Variants in EYS observed in about 807,000 individuals in gnomAD.
The protein encoded by EYS is EGF-like photoreceptor maintenance factor, also known as protein eyes shut homolog.
A neutral mutation model predicts 282.1 loss-of-function variants in EYS; 250 were observed. The observed-to-expected ratio is 0.89, with a 90% CI of 0.80 to 0.98. The LOEUF (loss-of-function observed/expected upper bound fraction) is 0.98, where lower values mean the gene tolerates loss of function less well. EYS is among the 50% of genes least tolerant of loss of function. The probability of loss-of-function intolerance (pLI) is 0.00; values close to 1 mark genes in which losing one functional copy is unlikely to be tolerated. For synonymous variants in EYS, 1,355 were observed against 1,282.9 expected, an observed-to-expected ratio of 1.06 and a Z score of -1.20; for missense variants, 4,016 against 3,709.0, an observed-to-expected ratio of 1.08 and a Z score of -2.15.
intron 22 of EYS, among the ~76,000 whole-genome samples, chr6:64,629,367 C>A (rs1222242208): frequency 2.6e-5 from 4 of 151,798 alleles, no homozygotes; most frequent in African/African-American, 9.7e-5. Flanking sequence ...GGAGAAGTGC[C>A]TATATAAATA....
rs369388657 is a variant in EYS at position 63,833,515 on chromosome 6, C to T, written c.7229-27143G>A. Among the ~76,000 whole-genome samples, 7 of 152,198 alleles carry T rather than the reference C, an allele frequency of 4.6e-5. No homozygotes were observed. In the East Asian group the frequency reaches 1.4e-3, roughly 29 times the overall value. On this transcript the variant is annotated intron_variant, in intron 36 of 42. Coordinates refer to ENST00000503581, the MANE Select transcript of EYS (RefSeq NM_001142800.2). ...TCCAACTTACAAGGGATGTGAAGGA[C>T]CTCTTCAAGGAGAACTATAAACCAC... is the stretch of plus-strand genomic sequence containing the variant.
chr6:64,177,567 T>C (rs955345316), intron 31 of EYS, among the ~76,000 whole-genome samples: 17 of 152,240 alleles, frequency 1.1e-4, no homozygotes, highest in African/African-American at 3.8e-4. Flanking sequence ...TTAATTTAGT[T>C]TGGTGATTGC....
intron 12 of EYS, among the ~76,000 whole-genome samples, chr6:65,136,722 A>G (rs1205559648): frequency 6.6e-6 from 1 of 152,090 alleles, no homozygotes; most frequent in Non-Finnish European, 1.5e-5. Context: ...ATCTCATACT[A>G]TCAACCAGGC....
chr6:64,223,459 A>G (rs1277823391), intron 31 of EYS, among the ~76,000 whole-genome samples: 1 of 152,048 alleles, frequency 6.6e-6, no homozygotes, highest in Non-Finnish European at 1.5e-5. Context: ...TATTACAAGT[A>G]TATACAACTC....
chr6:64,292,055 T>A (rs772799561), intron 30 of EYS, among the ~76,000 whole-genome samples: 3 of 152,010 alleles, frequency 2.0e-5, no homozygotes, highest in Non-Finnish European at 4.4e-5. Flanking sequence ...TACAGAGAGG[T>A]TAAGTAATTT....
At chr6:64,805,050 C>A (rs572579868) in intron 22 of EYS, among the ~76,000 whole-genome samples, 4 of 151,890 alleles carry the variant, frequency 2.6e-5, no homozygotes, top group African/African-American at 4.8e-5. Flanking sequence ...TTAGATGAAC[C>A]ATGAAATTAA....
At chr6:65,508,921 G>A (rs1486637808) in intron 2 of EYS, among the ~76,000 whole-genome samples, 4 of 152,086 alleles carry the variant, frequency 2.6e-5, no homozygotes, top group African/African-American at 9.7e-5. Context: ...CAGTGAGAAC[G>A]TGGAGAAAAA....
At chr6:63,963,027 C>A (rs1766144991) in intron 35 of EYS, among the ~76,000 whole-genome samples, 1 of 145,964 alleles carries the variant, frequency 6.9e-6, no homozygotes, top group African/African-American at 2.5e-5. Flanking sequence ...CCAAACACCG[C>A]ATGTTTTCAC....
intron 29 of EYS, among the ~76,000 whole-genome samples, chr6:64,332,919 G>T (rs893558506): frequency 1.3e-5 from 2 of 152,178 alleles, no homozygotes; most frequent in African/African-American, 2.4e-5. Flanking sequence ...CCAGAAGGGT[G>T]CTTATGCATA....
At chr6:64,745,614 T>C (rs1406085599) in intron 22 of EYS, among the ~76,000 whole-genome samples, 1 of 152,158 alleles carries the variant, frequency 6.6e-6, no homozygotes, top group Non-Finnish European at 1.5e-5. Context: ...AGAAAAATGG[T>C]ACCACTATGT....
chr6:65,279,919 A>G (rs1051387536), intron 12 of EYS, among the ~76,000 whole-genome samples: 1 of 152,140 alleles, frequency 6.6e-6, no homozygotes. Flanking sequence ...TCCTCAGATT[A>G]TTTAATTTTC....
chr6:64,695,962 T>G (rs146302961), intron 22 of EYS, among the ~76,000 whole-genome samples: 6 of 152,238 alleles, frequency 3.9e-5, no homozygotes, highest in African/African-American at 1.4e-4. Context: ...TTAAAGGTAC[T>G]ATTACACCTC....
At chr6:64,923,259 A>C (rs1383343356) in intron 15 of EYS, among the ~76,000 whole-genome samples, 1 of 152,162 alleles carries the variant, frequency 6.6e-6, no homozygotes, top group African/African-American at 2.4e-5. Flanking sequence ...GAGAAAAATA[A>C]GGAAGAAGCA....
chr6:64,021,122 A>G (rs9353441), intron 33 of EYS, among the ~76,000 whole-genome samples: 47,962 of 151,732 alleles, frequency 0.32, 7,759 homozygotes, highest in Middle Eastern at 0.38. Flanking sequence ...TTCTCATCCA[A>G]AGACTAAAAT....
chr6:64,523,669 G>C (rs899390012), intron 26 of EYS, among the ~76,000 whole-genome samples: 1 of 151,586 alleles, frequency 6.6e-6, no homozygotes, highest in African/African-American at 2.4e-5. Context: ...GAATGGGTGT[G>C]ATAAAAGATA....
At chr6:65,471,837 T>A (rs1182201062) in intron 5 of EYS, among the ~76,000 whole-genome samples, 2 of 152,162 alleles carry the variant, frequency 1.3e-5, no homozygotes, top group Non-Finnish European at 2.9e-5. Context: ...AACATGGTAT[T>A]GTCATGTTAA....
intron 22 of EYS, among the ~76,000 whole-genome samples, chr6:64,628,117 CTTGTT>C (rs1422773169): frequency 6.6e-6 from 1 of 151,806 alleles, no homozygotes; most frequent in Non-Finnish European, 1.5e-5. Flanking sequence ...CAAACAAAGA[CTTGTT>C]TTAACTGTGT....
chr6:64,344,882 A>G (rs1044852024), intron 29 of EYS, among the ~76,000 whole-genome samples: 3 of 152,172 alleles, frequency 2.0e-5, no homozygotes, highest in Non-Finnish European at 2.9e-5. Context: ...TGCAAAAATC[A>G]CAAGCACTCC....
At chr6:64,401,492 T>C (rs988064852) in intron 28 of EYS, among the ~76,000 whole-genome samples, 4 of 152,058 alleles carry the variant, frequency 2.6e-5, no homozygotes, top group Non-Finnish European at 4.4e-5. Context: ...ATAAAAATTA[T>C]AAACATCAAC....
Sources: gnomAD v4.1 joint callset for allele counts (sites outside exome capture counted in the v4.1 genomes callset) on GRCh38, gnomAD v4.1.1 for gene constraint, MANE v1.5 for transcripts, NCBI Gene and HGNC (gene_info 2026-07-23, HGNC 2026-07-21) for gene names.